The following SGSM1 variants were observed in gnomAD, a reference collection of about 807,000 sequenced individuals.
The protein encoded by SGSM1 is small G protein signaling modulator 1.
In SGSM1, 73 loss-of-function variants were observed where a neutral mutation model predicts 133.8. The ratio of observed to expected loss-of-function variants is 0.55; its 90% confidence interval spans 0.45 to 0.66. The LOEUF (loss-of-function observed/expected upper bound fraction) is 0.66. SGSM1 is among the 30% of genes least tolerant of loss of function. SGSM1 has a pLI of 0.00. For missense variants in SGSM1, 1,213 were observed against 1,448.1 expected, an observed-to-expected ratio of 0.84 and a Z score of 2.64; for synonymous variants, 563 against 573.0, an observed-to-expected ratio of 0.98 and a Z score of 0.25.
intron 3 of SGSM1, among the ~76,000 whole-genome samples, chr22:24,845,683 C>T (rs1930053757): frequency 6.6e-6 from 1 of 152,216 alleles, no homozygotes; most frequent in African/African-American, 2.4e-5. Flanking sequence ...GCTGGGAGAG[C>T]TGGCCAGCCC....
chr22:24,883,786 G>A (rs140547480), intron 14 of SGSM1, among the ~76,000 whole-genome samples: 122 of 152,182 alleles, frequency 8.0e-4, no homozygotes, highest in Non-Finnish European at 1.5e-3. Flanking sequence ...GTGAAACCTC[G>A]TCTCTACAAA....
At chr22:24,893,283 A>C (rs939240952) in intron 16 of SGSM1, 148 bp from the exon 17 acceptor site, 24 of 783,280 alleles carry the variant, frequency 3.1e-5, no homozygotes, top group East Asian at 5.6e-5. Flanking sequence ...AGTGCTAGGC[A>C]TAGCATAGTA....
chr22:24,827,752 A>G (rs1928879241), intron 2 of SGSM1, among the ~76,000 whole-genome samples: 1 of 152,052 alleles, frequency 6.6e-6, no homozygotes, highest in African/African-American at 2.4e-5. Flanking sequence ...CACCTCACTT[A>G]ACAGATACCC....
intron 16 of SGSM1, among the ~76,000 whole-genome samples, chr22:24,892,294 G>A (rs1932828138): frequency 6.6e-6 from 1 of 151,994 alleles, no homozygotes; most frequent in African/African-American, 2.4e-5. Context: ...GAGAGGGTCG[G>A]GCTCCCCACC....
In SGSM1 at chr22:24,926,883, G is replaced by T. The variant is rs547153106; in HGVS notation, c.*2609G>T. 2.0e-5 allele frequency: 3 copies of T among 150,200 alleles called. No homozygotes were observed. The highest frequency in any genetic ancestry group is 3.9e-4 in the East Asian group (2 of 5,148). The allele number at this position is 150,200 out of a possible 1,614,324, so 9.3% of individuals were successfully genotyped here. A position where few individuals can be genotyped will look rare whatever the true frequency, so the allele number is the denominator to read the frequency against. ...TTGTCTTTTTTTTTTTAATTTGAAA[G>T]AAAAAAATGCTTGCTTCTGAGGACT... On this transcript the variant is annotated 3_prime_UTR_variant, in exon 25 of 25. Coordinates refer to ENST00000400358, the MANE Select transcript of SGSM1 (RefSeq NM_001098497.3).
intron 16 of SGSM1, among the ~76,000 whole-genome samples, chr22:24,892,093 T>G (rs936138189): frequency 5.3e-5 from 8 of 152,012 alleles, no homozygotes; most frequent in Non-Finnish European, 7.4e-5. Flanking sequence ...AACAGAGACC[T>G]GGATGGAGGC....
intron 2 of SGSM1, among the ~76,000 whole-genome samples, chr22:24,840,663 T>C: frequency 6.6e-6 from 1 of 151,872 alleles, no homozygotes; most frequent in Admixed American, 6.6e-5. Flanking sequence ...TATTTCCTTC[T>C]TTCTGCTAGC....
At chr22:24,839,365 G>A (rs1213220651) in intron 2 of SGSM1, among the ~76,000 whole-genome samples, 6 of 152,122 alleles carry the variant, frequency 3.9e-5, no homozygotes, top group African/African-American at 9.7e-5. Context: ...GACAGTGACC[G>A]ACCATGTTCT....
At chr22:24,891,046 T>G (rs1932806556) in intron 16 of SGSM1, among the ~76,000 whole-genome samples, 2 of 152,194 alleles carry the variant, frequency 1.3e-5, no homozygotes, top group Admixed American at 1.3e-4. Flanking sequence ...AATGGTGTAA[T>G]TCTGTTCTAA....
intron 2 of SGSM1, among the ~76,000 whole-genome samples, chr22:24,825,981 G>A (rs1296758711): frequency 2.0e-5 from 3 of 151,898 alleles, no homozygotes; most frequent in African/African-American, 7.3e-5. Flanking sequence ...TGGCCCGGGT[G>A]ATTTTTATTT....
chr22:24,917,430 C>T (rs1355195640), intron 22 of SGSM1, among the ~76,000 whole-genome samples: 1 of 152,170 alleles, frequency 6.6e-6, no homozygotes, highest in African/African-American at 2.4e-5. Context: ...TTTTGAATTG[C>T]ATTTTCCTAA....
At chr22:24,876,160 A>T (rs1932014261) in intron 12 of SGSM1, among the ~76,000 whole-genome samples, 1 of 152,192 alleles carries the variant, frequency 6.6e-6, no homozygotes, top group Non-Finnish European at 1.5e-5. Context: ...GCCCTGCCTC[A>T]TCTATTGAGT....
At chr22:24,850,723 T>C (rs906603785) in intron 5 of SGSM1, among the ~76,000 whole-genome samples, 5 of 152,298 alleles carry the variant, frequency 3.3e-5, no homozygotes, top group East Asian at 1.9e-4. Context: ...GTGCCCGTTA[T>C]CTCTTTTGGT....
At chr22:24,872,056 C>T (rs1006197343) in intron 12 of SGSM1, among the ~76,000 whole-genome samples, 3 of 152,214 alleles carry the variant, frequency 2.0e-5, no homozygotes, top group Admixed American at 6.5e-5. Flanking sequence ...TGGCTGTTTT[C>T]ATGCCACAGC....
intron 9 of SGSM1, among the ~76,000 whole-genome samples, chr22:24,864,146 A>G (rs920372171): frequency 9.2e-5 from 14 of 152,170 alleles, no homozygotes; most frequent in African/African-American, 3.4e-4. Context: ...CGAAAAAGCT[A>G]GATATTGGGG....
intron 23 of SGSM1, among the ~76,000 whole-genome samples, chr22:24,918,878 A>T (rs890021136): frequency 6.6e-6 from 1 of 151,728 alleles, no homozygotes; most frequent in Non-Finnish European, 1.5e-5. Flanking sequence ...AGCTGGGATT[A>T]CAGGCACCCG....
intron 16 of SGSM1, 29 bp from the exon 17 acceptor site, chr22:24,893,402 C>T (rs1569166703): frequency 1.2e-6 from 2 of 1,610,658 alleles, no homozygotes; most frequent in South Asian, 2.2e-5. Flanking sequence ...TTGTTGACAC[C>T]TCGGGTGACA....
At chr22:24,858,528 C>T (rs996109623) in intron 8 of SGSM1, among the ~76,000 whole-genome samples, 2 of 151,152 alleles carry the variant, frequency 1.3e-5, no homozygotes, top group Non-Finnish European at 2.9e-5. Context: ...CCCCACTACT[C>T]GGGAAGTTGA....
At chr22:24,872,868 G>A (rs577108179) in intron 12 of SGSM1, among the ~76,000 whole-genome samples, 9 of 151,982 alleles carry the variant, frequency 5.9e-5, no homozygotes, top group South Asian at 2.1e-4. Context: ...TTGGTGAGCC[G>A]AGATTGTGCC....
Sources: allele counts gnomAD v4.1 joint callset (sites outside exome capture counted in the v4.1 genomes callset), GRCh38; gene constraint gnomAD v4.1.1; transcripts MANE v1.5; gene names NCBI Gene and HGNC (gene_info 2026-07-23, HGNC 2026-07-21).